SERINC2: variants seen among roughly 807,000 people sequenced by gnomAD.
The protein encoded by SERINC2 is tumor differentially expressed protein 2.
A neutral mutation model predicts 54.2 loss-of-function variants in SERINC2; 56 were observed. That is an observed-to-expected ratio of 1.03 (90% confidence interval 0.83 to 1.29). The LOEUF (loss-of-function observed/expected upper bound fraction) is 1.29, where lower values mean the gene tolerates loss of function less well. SERINC2 is among the 50% of genes most tolerant of loss of function. SERINC2 has a pLI of 0.00. For synonymous variants in SERINC2, 272 were observed against 253.1 expected (o/e 1.07, Z -0.71); for missense variants, 614 against 607.4 (o/e 1.01, Z -0.12).
chr1:31,412,475 G>A (rs190681699), upstream of SERINC2, among the ~76,000 whole-genome samples: 1 of 152,270 alleles, frequency 6.6e-6, no homozygotes, highest in South Asian at 2.1e-4. Flanking sequence ...ATGGAGAGAA[G>A]GGAGGATGGG....
chr1:31,411,394 G>A (rs781977784), upstream of SERINC2, among the ~76,000 whole-genome samples: 16 of 152,112 alleles, frequency 1.1e-4, no homozygotes, highest in Non-Finnish European at 1.9e-4. Flanking sequence ...TACATTTCGC[G>A]TGTCACTACT....
chr1:31,422,635 A>C (rs1461300905), intron 1 of SERINC2, among the ~76,000 whole-genome samples: 1 of 152,210 alleles, frequency 6.6e-6, no homozygotes, highest in Non-Finnish European at 1.5e-5. Flanking sequence ...TGTAAGCTCC[A>C]GGAAGGCAAG....
intron 8 of SERINC2, among the ~76,000 whole-genome samples, chr1:31,429,843 GTC>G (rs1641148603): frequency 1.3e-5 from 2 of 152,106 alleles, no homozygotes; most frequent in Non-Finnish European, 2.9e-5. Context: ...TGGGTCCAGG[GTC>G]TGTTTCTCCC....
Position 31,425,912 on chromosome 1 carries a change from A to G in SERINC2, c.609A>G (p.Ala203=). Residue 203 remains alanine (A), a splice_region_variant and synonymous_variant, in exon 5 of 10, where the codon GCA becomes GCG. Transcript: ENST00000373709. ...AGTGCGATTCCCGTGCCTGGTACGC[A>G]GGTCAGTGCTGCCACCCTGCCTCCG... The part of the protein sequence containing the change: ...AEECDSRAWY[A]GLFFFTLLFY... 6.2e-7 allele frequency: 1 copy of G among 1,610,712 alleles called. No individual in the cohort carries two copies. The highest frequency in any genetic ancestry group is 1.1e-5 in the South Asian group (1 of 90,974).
chr1:31,422,168 G>A (rs1219784111), intron 1 of SERINC2, among the ~76,000 whole-genome samples: 59 of 151,626 alleles, frequency 3.9e-4, no homozygotes, highest in Admixed American at 3.5e-3. Context: ...GCATGGTGGC[G>A]TGTGCTTGTA....
At chr1:31,426,106 C>G in intron 5 of SERINC2, 193 bp downstream of exon 5, 1 of 612,086 alleles carries the variant, frequency 1.6e-6, no homozygotes, top group South Asian at 2.1e-5. Flanking sequence ...TCAGGGAATC[C>G]GAGGAGAGCT....
Position 31,423,653 on chromosome 1 carries a change from G to A in SERINC2, c.40-40G>A, listed in dbSNP as rs782455708. The A allele has an allele frequency of 5.0e-6, 8 of 1,591,908 alleles. No individual in the cohort carries two copies. The Admixed American group carries it at 5.0e-5, about 10-fold the overall frequency. The stretch of plus-strand genomic sequence containing the variant: ...GGTGGTGAGAGGTGCGCGCTTGGGC[G>A]GTGAAGGGGAGAGGGAAGAGTGACA... On this transcript the variant is annotated intron_variant, in intron 1 of 9. Transcript: ENST00000373709.
At chr1:31,432,035 TGGACAGGG>T in intron 8 of SERINC2, among the ~76,000 whole-genome samples, 1 of 129,998 alleles carries the variant, frequency 7.7e-6, no homozygotes, top group African/African-American at 3.2e-5. Flanking sequence ...GTGGACAGGG[TGGACAGGG>T]TGGACAGGGT....
intron 8 of SERINC2, among the ~76,000 whole-genome samples, chr1:31,432,069 G>A (rs1553134686): frequency 6.0e-5 from 8 of 132,992 alleles, no homozygotes; most frequent in African/African-American, 9.0e-5. Flanking sequence ...GGGTGGACAG[G>A]GTGGACAGGG....
intron 1 of SERINC2, among the ~76,000 whole-genome samples, chr1:31,416,868 C>T (rs1318163244): frequency 5.3e-5 from 8 of 151,962 alleles, no homozygotes; most frequent in Non-Finnish European, 7.4e-5. Context: ...TACAGGCGTG[C>T]GCCACCATGC....
intron 8 of SERINC2, among the ~76,000 whole-genome samples, chr1:31,429,888 T>C (rs1641149806): frequency 1.3e-5 from 2 of 152,118 alleles, no homozygotes; most frequent in South Asian, 4.1e-4. Flanking sequence ...TGGCTTAACC[T>C]TTCTGAGCTC....
chr1:31,418,998 C>T (rs1239521306), intron 1 of SERINC2, among the ~76,000 whole-genome samples: 2 of 152,322 alleles, frequency 1.3e-5, no homozygotes, highest in East Asian at 1.9e-4. Context: ...AGCTGTAAGG[C>T]TCTGAGGCCT....
rs1472028558 is a variant in SERINC2, at chr1:31,432,984, AC to A, written c.1033del (p.Arg345GlyfsTer3). 1.9e-5 allele frequency: 30 copies of A among 1,611,516 alleles called. No homozygotes were observed. The highest frequency in any genetic ancestry group is 2.4e-5 in the Non-Finnish European group (28 of 1,179,538). ...CCCTGCAGTCTGCGCTCCTCAGACC[AC>A]CGGCAGGTGAACAGCCTGATGCAGA... The part of the protein sequence containing the change: ...TLFISLRSSD[H>X]RQVNSLMQTE... On this transcript the variant is annotated frameshift_variant, in exon 9 of 10. Transcript: ENST00000373709. LOFTEE classifies it high-confidence loss of function.
In SERINC2 at chr1:31,413,445, GC is replaced by G; in HGVS notation, c.39+144del. The G allele has an allele frequency of 2.5e-6, 1 of 398,298 alleles. No homozygotes were observed. The highest frequency in any genetic ancestry group is 2.1e-5 in the African/African-American group (1 of 47,230). 24.7% of individuals were successfully genotyped at this position (398,298 alleles called of 1,614,324 possible). A position where few individuals can be genotyped will look rare whatever the true frequency, so the allele number is the denominator to read the frequency against. ...TTCTGGGCCGGTGCCCCGCCTGCTC[GC>G]CCTCCTGGACCTTCACTCGGCACCC... On this transcript the variant is annotated intron_variant, in intron 1 of 9. Transcript: ENST00000373709. The surrounding 1 kb of genome is among the most constrained non-coding windows in gnomAD (Gnocchi z 5.0).
chr1:31,425,533 C>A, intron 4 of SERINC2, 124 bp downstream of exon 4: 1 of 898,190 alleles, frequency 1.1e-6, no homozygotes, highest in South Asian at 1.4e-5. Flanking sequence ...GCTAGGTCCT[C>A]GCTCCCCACC....
At chr1:31,428,885 G>C (rs957230790) in intron 6 of SERINC2, 93 bp from the exon 7 acceptor site, 2 of 899,456 alleles carry the variant, frequency 2.2e-6, no homozygotes. Context: ...AGGTGGGTGG[G>C]AGTTTCTGAG....
upstream of SERINC2, chr1:31,410,540 T>C (rs113549858): frequency 4.0e-4 from 602 of 1,497,068 alleles, no homozygotes; most frequent in African/African-American, 7.3e-3. Flanking sequence ...CTCTGGAAAA[T>C]TTTAGCCTGA....
chr1:31,428,769 G>A (rs1553133960), intron 6 of SERINC2, among the ~76,000 whole-genome samples: 1 of 152,130 alleles, frequency 6.6e-6, no homozygotes, highest in Non-Finnish European at 1.5e-5. Context: ...AGTAATCTGA[G>A]GGGTGTTAAG....
chr1:31,425,266 G>A, intron 3 of SERINC2, 64 bp from the exon 4 acceptor site: 2 of 1,247,126 alleles, frequency 1.6e-6, no homozygotes, highest in East Asian at 4.6e-5. Flanking sequence ...GCCAGGCCCA[G>A]TCTGGCTTCC....
Sources: allele counts gnomAD v4.1 joint callset (sites outside exome capture counted in the v4.1 genomes callset), GRCh38; gene constraint gnomAD v4.1.1; non-coding constraint Gnocchi (gnomAD v3.1); transcripts MANE v1.5; gene names NCBI Gene and HGNC (gene_info 2026-07-23, HGNC 2026-07-21).